PLAAT1: variants seen among roughly 807,000 people sequenced by gnomAD.
PLAAT1 encodes phospholipase A and acyltransferase 1, also known as H-REV107 protein-related protein.
In PLAAT1, 13 loss-of-function variants were observed where a neutral mutation model predicts 16.4. That is an observed-to-expected ratio of 0.79 (90% confidence interval 0.52 to 1.26). PLAAT1 has a LOEUF of 1.26. PLAAT1 is among the 50% of genes most tolerant of loss of function. The pLI is 0.00. For missense variants in PLAAT1, 218 were observed against 207.8 expected (o/e 1.05, Z -0.30); for synonymous variants, 73 against 78.4 (o/e 0.93, Z 0.36).
chr3:193,277,401 G>T (rs770381440), intron 2 of PLAAT1, among the ~76,000 whole-genome samples: 6 of 152,138 alleles, frequency 3.9e-5, no homozygotes, highest in Non-Finnish European at 8.8e-5. Context: ...CTTATTTAAA[G>T]TGTGAGAGCC....
chr3:193,241,285 G>A lies in PLAAT1; in HGVS notation c.-249G>A, dbSNP rs978025242. Reference sequence around the variant, plus strand: ...GAGCCCAGCGCGTCGGCCCCCCGGCGTGCGGGCGTCTCAGAGCCGCGGAGG... The same window carrying A: ...GAGCCCAGCGCGTCGGCCCCCCGGCATGCGGGCGTCTCAGAGCCGCGGAGG... On this transcript the variant is annotated 5_prime_UTR_variant, in exon 1 of 4. It adds an upstream start codon to the 5' untranslated region. Coordinates refer to ENST00000264735, the MANE Select transcript of PLAAT1 (RefSeq NM_020386.5). 1 of 1,230,482 alleles carries A rather than the reference G, an allele frequency of 8.1e-7. No homozygotes were observed. Among genetic ancestry groups the A allele is most frequent in the Non-Finnish European group, 1.0e-6 (1 of 987,126 alleles). 76.2% of individuals were successfully genotyped at this position (1,230,482 alleles called of 1,614,324 possible). A position where few individuals can be genotyped will look rare whatever the true frequency, so the allele number is the denominator to read the frequency against.
At chr3:193,256,533 A>G (rs1716382080) in intron 2 of PLAAT1, among the ~76,000 whole-genome samples, 1 of 152,246 alleles carries the variant, frequency 6.6e-6, no homozygotes, top group South Asian at 2.1e-4. Flanking sequence ...GCAAAAGCTA[A>G]TACACCTTTT....
chr3:193,270,972 C>T (rs1231821555), downstream of PLAAT1: 2 of 467,442 alleles, frequency 4.3e-6, no homozygotes, highest in African/African-American at 2.0e-5. Flanking sequence ...AATCTCATCA[C>T]ATTTTATTTC....
At chr3:193,276,121 T>C (rs189409797) in intron 2 of PLAAT1, among the ~76,000 whole-genome samples, 66 of 152,276 alleles carry the variant, frequency 4.3e-4, no homozygotes, top group Admixed American at 1.0e-3. Flanking sequence ...TTTAAACATA[T>C]ATAATGAGGT....
rs1217213501 is a variant in PLAAT1, at chr3:193,251,144, A to G, written c.1-4507A>G. ...TACAGGAATGCCCTTTTTGCTTCTC[A>G]GGCATGGAGAGATCCCCCAGCTTCA... On this transcript the variant is annotated intron_variant, in intron 1 of 3. Coordinates refer to ENST00000264735, the MANE Select transcript of PLAAT1 (RefSeq NM_020386.5). Among the ~76,000 whole-genome samples the G allele has an allele frequency of 2.0e-5, 3 of 152,086 alleles. 1 individual carries two copies. The highest frequency in any genetic ancestry group is 4.4e-5 in the Non-Finnish European group (3 of 68,004).
downstream of PLAAT1, among the ~76,000 whole-genome samples, chr3:193,272,320 A>G (rs968721274): frequency 3.9e-5 from 6 of 152,138 alleles, no homozygotes; most frequent in East Asian, 5.8e-4. Context: ...GCGGGCGCCT[A>G]CAGTCCCAGC....
chr3:193,275,416 T>A (rs1484877505), downstream of PLAAT1: 1 of 1,203,070 alleles, frequency 8.3e-7, no homozygotes, highest in African/African-American at 1.5e-5. Context: ...GTGTGCTCAT[T>A]GCTGTTGCAT....
chr3:193,258,245 T>C (rs6766748), intron 2 of PLAAT1, among the ~76,000 whole-genome samples: 63,255 of 151,994 alleles, frequency 0.42, 14,100 homozygotes, highest in African/African-American at 0.56. Context: ...CCAAAATCTT[T>C]GGGATGCGCC....
Position 193,242,122 on chromosome 3 carries a change from CT to C in PLAAT1, c.-1+602del, listed in dbSNP as rs773961794. Among the ~76,000 whole-genome samples, 1,194 of 141,816 alleles carry C rather than the reference CT, an allele frequency of 8.4e-3. 13 individuals are homozygous for C. The highest frequency in any genetic ancestry group is 0.025 in the South Asian group (113 of 4,470). 93.0% of individuals were successfully genotyped at this position (141,816 alleles called of 152,430 possible). ...CATTATGAGAGGTTTTTTTTTTGCG[CT>C]TTTTTTTTTTTTCTCATCAGCTATC... On this transcript the variant is annotated intron_variant, in intron 1 of 3. Transcript: ENST00000264735.
intron 3 of PLAAT1, among the ~76,000 whole-genome samples, chr3:193,269,137 C>A (rs756301128): frequency 2.0e-5 from 3 of 152,078 alleles, no homozygotes; most frequent in African/African-American, 7.2e-5. Flanking sequence ...TCTTCTCCCC[C>A]GCTCCCCCAA....
At chr3:193,274,896 G>T, downstream of PLAAT1, 1 of 1,182,262 alleles carries the variant, frequency 8.5e-7, no homozygotes, top group Non-Finnish European at 1.2e-6. Flanking sequence ...AAGGTCCCTT[G>T]CTGCAAGGTT....
At chr3:193,275,266 T>A (rs547378846), downstream of PLAAT1, 1 of 1,613,958 alleles carries the variant, frequency 6.2e-7, no homozygotes, top group Admixed American at 1.7e-5. Context: ...TCTCTTTTGA[T>A]CAACAGCCAG....
chr3:193,269,141 C>T (rs1428828888), intron 3 of PLAAT1, among the ~76,000 whole-genome samples: 2 of 152,082 alleles, frequency 1.3e-5, no homozygotes, highest in African/African-American at 4.8e-5. Context: ...CTCCCCCGCT[C>T]CCCCAATATG....
intron 1 of PLAAT1, among the ~76,000 whole-genome samples, chr3:193,250,735 A>G (rs748704316): frequency 2.0e-5 from 3 of 152,130 alleles, no homozygotes; most frequent in Non-Finnish European, 4.4e-5. Flanking sequence ...GGCAGGGAGA[A>G]ACTTCTGGTC....
At chr3:193,260,230 GA>G (rs1352510489) in intron 2 of PLAAT1, among the ~76,000 whole-genome samples, 2 of 152,086 alleles carry the variant, frequency 1.3e-5, no homozygotes, top group Admixed American at 6.6e-5. Context: ...AAGTTTAAAT[GA>G]AGAACTCAAA....
chr3:193,270,866 A>G, downstream of PLAAT1: 1 of 1,307,234 alleles, frequency 7.6e-7, no homozygotes, highest in Non-Finnish European at 9.7e-7. Flanking sequence ...TCATTGAGCC[A>G]ATGAAATTTT....
At chr3:193,257,836 G>GTC (rs754127326) in intron 2 of PLAAT1, among the ~76,000 whole-genome samples, 1 of 152,174 alleles carries the variant, frequency 6.6e-6, no homozygotes, top group Non-Finnish European at 1.5e-5. Flanking sequence ...CACTGGCTAA[G>GTC]TCTTCTGGCC....
At chr3:193,268,596 C>A (rs921241834) in intron 3 of PLAAT1, among the ~76,000 whole-genome samples, 3 of 152,190 alleles carry the variant, frequency 2.0e-5, no homozygotes, top group African/African-American at 7.2e-5. Context: ...CATCACATCC[C>A]ATTACTCCTA....
At chr3:193,270,360 A>G (rs1226361642) in intron 3 of PLAAT1, among the ~76,000 whole-genome samples, 2 of 152,218 alleles carry the variant, frequency 1.3e-5, no homozygotes, top group Non-Finnish European at 2.9e-5. Flanking sequence ...AAACTGTCAG[A>G]GTGCTTTAAA....
Sources: gnomAD v4.1 joint callset for allele counts (sites outside exome capture counted in the v4.1 genomes callset) on GRCh38, gnomAD v4.1.1 for gene constraint, MANE v1.5 for transcripts, NCBI Gene and HGNC (gene_info 2026-07-23, HGNC 2026-07-21) for gene names.